NBAS: variants seen among roughly 807,000 people sequenced by gnomAD.
The protein encoded by NBAS is NAG/BC035112 fusion.
A neutral mutation model predicts 302.5 loss-of-function variants in NBAS; 219 were observed. That is an observed-to-expected ratio of 0.72 (90% confidence interval 0.65 to 0.81). The LOEUF (loss-of-function observed/expected upper bound fraction) is 0.81, where lower values mean the gene tolerates loss of function less well. Ranked by LOEUF, NBAS falls within the 30% of genes least tolerant of loss-of-function variation. The probability of loss-of-function intolerance (pLI) is 0.00; values close to 1 mark genes in which losing one functional copy is unlikely to be tolerated. For synonymous variants in NBAS, 1,118 were observed against 1,021.6 expected (o/e 1.09, Z -1.80); for missense variants, 2,932 against 2,841.6 (o/e 1.03, Z -0.72).
At chr2:15,009,403 A>G in the NBAS span, among the ~76,000 whole-genome samples, 1 of 152,196 alleles carries the variant, frequency 6.6e-6, no homozygotes, top group Admixed American at 6.5e-5. Context: ...GGCTGATAAA[A>G]AAAAAAGTCT....
At chr2:15,028,449 A>C in the NBAS span, among the ~76,000 whole-genome samples, 1 of 152,236 alleles carries the variant, frequency 6.6e-6, no homozygotes, top group Non-Finnish European at 1.5e-5. Flanking sequence ...TAATTGCAAA[A>C]TCTGATAAAG....
the NBAS span, among the ~76,000 whole-genome samples, chr2:15,043,279 T>C: frequency 6.6e-6 from 1 of 152,170 alleles, no homozygotes; most frequent in Non-Finnish European, 1.5e-5. Context: ...CTGTGCGTCT[T>C]GGACCCCTGC....
chr2:15,145,238 T>C, the NBAS span, among the ~76,000 whole-genome samples: 244 of 152,252 alleles, frequency 1.6e-3, 1 homozygote, highest in Middle Eastern at 3.4e-3. Context: ...CATTTTTAGT[T>C]GGTTTTGTCA....
chr2:15,412,432 C>T (rs1237898585), intron 25 of NBAS, among the ~76,000 whole-genome samples: 6 of 152,172 alleles, frequency 3.9e-5, no homozygotes, highest in East Asian at 1.9e-4. Flanking sequence ...CCACAGCTGA[C>T]GTTTGACACT....
the NBAS span, among the ~76,000 whole-genome samples, chr2:15,135,599 G>A: frequency 6.6e-6 from 1 of 152,140 alleles, no homozygotes; most frequent in Non-Finnish European, 1.5e-5. Context: ...ATGGAGGGAA[G>A]GTTGGAGGGT....
At chr2:15,044,285 G>C in the NBAS span, among the ~76,000 whole-genome samples, 1 of 152,208 alleles carries the variant, frequency 6.6e-6, no homozygotes, top group African/African-American at 2.4e-5. Flanking sequence ...AAAGGTCTTT[G>C]CATGGCTGAG....
At chr2:14,861,878 A>G in the NBAS span, among the ~76,000 whole-genome samples, 1 of 152,196 alleles carries the variant, frequency 6.6e-6, no homozygotes, top group Non-Finnish European at 1.5e-5. Flanking sequence ...TCCTACATTT[A>G]TTGCTCTTTA....
intron 44 of NBAS, among the ~76,000 whole-genome samples, chr2:15,241,041 C>T (rs1250339762): frequency 2.0e-5 from 3 of 152,120 alleles, no homozygotes; most frequent in Admixed American, 1.3e-4. Flanking sequence ...CACTTGGTTA[C>T]CAAGTGCAGT....
intron 22 of NBAS, among the ~76,000 whole-genome samples, chr2:15,424,714 C>T (rs112481121): frequency 5.9e-5 from 9 of 152,246 alleles, no homozygotes; most frequent in African/African-American, 1.4e-4. Flanking sequence ...TACATCAAAA[C>T]GGCTATGCCA....
chr2:14,972,040 G>A, the NBAS span, among the ~76,000 whole-genome samples: 1 of 151,462 alleles, frequency 6.6e-6, no homozygotes, highest in Non-Finnish European at 1.5e-5. Context: ...ATAACACAGA[G>A]ATATGTACAG....
chr2:15,289,007 G>A (rs1484367610), intron 41 of NBAS, among the ~76,000 whole-genome samples: 1 of 152,182 alleles, frequency 6.6e-6, no homozygotes, highest in Admixed American at 6.5e-5. Flanking sequence ...GGCTATAAAA[G>A]AGACCAAGGC....
chr2:15,530,708 G>A (rs1357324076), intron 9 of NBAS, among the ~76,000 whole-genome samples: 1 of 149,038 alleles, frequency 6.7e-6, no homozygotes, highest in Non-Finnish European at 1.5e-5. Context: ...CCTACATCTA[G>A]ATAACAGAAA....
intron 21 of NBAS, among the ~76,000 whole-genome samples, chr2:15,442,130 T>C (rs927327890): frequency 3.1e-5 from 4 of 128,960 alleles, no homozygotes; most frequent in Non-Finnish European, 5.1e-5. Context: ...TACCCAGGAA[T>C]TGAACTCAGC....
the NBAS span, among the ~76,000 whole-genome samples, chr2:15,015,774 G>A: frequency 2.6e-5 from 4 of 152,152 alleles, no homozygotes; most frequent in South Asian, 2.1e-4. Flanking sequence ...ACATAGTACT[G>A]GAAGTTCTAG....
chr2:15,483,510 C>T, intron 12 of NBAS: 1 of 198,626 alleles, frequency 5.0e-6, no homozygotes, highest in South Asian at 7.9e-5. Context: ...AAGATATAAA[C>T]ATAACATATG....
intron 6 of NBAS, among the ~76,000 whole-genome samples, chr2:15,548,941 T>C (rs947813444): frequency 6.6e-6 from 1 of 152,158 alleles, no homozygotes; most frequent in Non-Finnish European, 1.5e-5. Flanking sequence ...TCTCACGGGA[T>C]AGACAGGCTG....
At chr2:14,783,706 A>T in the NBAS span, among the ~76,000 whole-genome samples, 3 of 151,702 alleles carry the variant, frequency 2.0e-5, no homozygotes, top group Non-Finnish European at 4.4e-5. Context: ...ATATTTTCTT[A>T]ATCCAGTCTA....
intron 21 of NBAS, among the ~76,000 whole-genome samples, chr2:15,457,831 C>T (rs1233423657): frequency 6.6e-6 from 1 of 152,222 alleles, no homozygotes; most frequent in African/African-American, 2.4e-5. Flanking sequence ...TACTGCTCTA[C>T]TTGTCATTTA....
chr2:15,144,677 TA>T, the NBAS span, among the ~76,000 whole-genome samples: 1 of 151,696 alleles, frequency 6.6e-6, no homozygotes, highest in Non-Finnish European at 1.5e-5. Context: ...ATCTATCCTC[TA>T]AAAAAAAGGC....
Sources: gnomAD v4.1 joint callset for allele counts (sites outside exome capture counted in the v4.1 genomes callset) on GRCh38, gnomAD v4.1.1 for gene constraint, MANE v1.5 for transcripts, NCBI Gene and HGNC (gene_info 2026-07-23, HGNC 2026-07-21) for gene names.